FRMPD2: variants seen among roughly 807,000 people sequenced by gnomAD.
FRMPD2 encodes FERM and PDZ domain containing 2, also known as FERM and PDZ domain-containing protein 2.
FRMPD2 carries 96 observed loss-of-function variants against 140.1 expected under a neutral mutation model. The ratio of observed to expected loss-of-function variants is 0.69; its 90% CI spans 0.58 to 0.81. The LOEUF is 0.81. FRMPD2 is among the 40% of genes least tolerant of loss of function. The probability of loss-of-function intolerance (pLI) is 0.00; values close to 1 mark genes in which losing one functional copy is unlikely to be tolerated. For synonymous variants in FRMPD2, 449 were observed against 547.6 expected, an observed-to-expected ratio of 0.82 and a Z score of 2.52; for missense variants, 1,240 against 1,447.4, an observed-to-expected ratio of 0.86 and a Z score of 2.32.
chr10:48,197,263 C>T (rs1028856855), intron 15 of FRMPD2, among the ~76,000 whole-genome samples: 4 of 152,196 alleles, frequency 2.6e-5, no homozygotes, highest in Non-Finnish European at 5.9e-5. Context: ...TGAACAAAAC[C>T]CCCGTGAGCA....
chr10:48,182,296 C>A (rs1379317570), intron 20 of FRMPD2, among the ~76,000 whole-genome samples: 1 of 152,182 alleles, frequency 6.6e-6, no homozygotes, highest in Non-Finnish European at 1.5e-5. Flanking sequence ...TCTTCCACAT[C>A]CTCCATGAGA....
rs1347473102 is a variant in FRMPD2 at position 48,192,788 on chromosome 10, A to T, written c.2061T>A (p.Phe687Leu). ...QRLSCSENEL[F>L]VSRLQGAAGG... ...CTGCAGCACCCTGAAGCCTGGATAC[A>T]AACAACTCGTTTTCTGAGCATGACA... Residue 687 changes from phenylalanine to leucine, a missense_variant, in exon 16 of 29, where the codon TTT becomes TTA. By Grantham distance (22) the Phe-to-Leu change is conservative (BLOSUM62 0). Coordinates refer to ENST00000374201, the MANE Select transcript of FRMPD2 (RefSeq NM_001018071.4). The T allele has an allele frequency of 1.2e-6, 2 of 1,613,986 alleles. No individual in the cohort carries two copies. Among genetic ancestry groups the T allele is most frequent in the Admixed American group, 3.3e-5 (2 of 59,996 alleles).
intron 10 of FRMPD2, among the ~76,000 whole-genome samples, chr10:48,230,343 G>T (rs1287582701): frequency 6.6e-6 from 1 of 152,090 alleles, no homozygotes; most frequent in Non-Finnish European, 1.5e-5. Flanking sequence ...CTTAAAATTG[G>T]TTATATTACT....
Position 48,222,364 on chromosome 10 carries a change from C to T in FRMPD2, c.1404G>A (p.Leu468=), listed in dbSNP as rs1223826316. ...ERLYCNEEIL[L]QLGVLALQAE... ...CCTGCAAGGCAAGGACCCCCAGCTG[C>T]AGCAGTATCTCTTCATTGCAGTACA... Residue 468 remains leucine (L), a synonymous_variant, in exon 12 of 29, where the codon CTG becomes CTA. Coordinates refer to ENST00000374201, the MANE Select transcript of FRMPD2 (RefSeq NM_001018071.4). 5.0e-6 allele frequency: 8 copies of T among 1,614,212 alleles called. No individual in the cohort carries two copies. The highest frequency in any genetic ancestry group is 1.7e-4 in the Middle Eastern group (1 of 6,060).
chr10:48,257,374 G>A (rs1277524305), intron 1 of FRMPD2, among the ~76,000 whole-genome samples: 4 of 151,882 alleles, frequency 2.6e-5, no homozygotes, highest in African/African-American at 9.7e-5. Flanking sequence ...CCACCTCCCA[G>A]GTTCAAGCAA....
At chr10:48,170,532 G>A (rs1838212813) in intron 26 of FRMPD2, among the ~76,000 whole-genome samples, 1 of 151,614 alleles carries the variant, frequency 6.6e-6, no homozygotes, top group East Asian at 2.0e-4. Flanking sequence ...TTTTCTTCCA[G>A]GACTCTGTCT....
chr10:48,273,882 C>T (rs1470709098), intron 1 of FRMPD2, among the ~76,000 whole-genome samples: 1 of 147,712 alleles, frequency 6.8e-6, no homozygotes, highest in African/African-American at 2.5e-5. Flanking sequence ...TCAATTGTTG[C>T]TTTAAAAAAA....
intron 3 of FRMPD2, among the ~76,000 whole-genome samples, chr10:48,245,998 A>G (rs1410840099): frequency 6.6e-6 from 1 of 152,184 alleles, no homozygotes; most frequent in South Asian, 2.1e-4. Context: ...GTGACAACTC[A>G]TTAGCTCTCA....
At chr10:48,200,248 G>A (rs1839054535) in intron 15 of FRMPD2, among the ~76,000 whole-genome samples, 1 of 151,978 alleles carries the variant, frequency 6.6e-6, no homozygotes, top group Admixed American at 6.5e-5. Flanking sequence ...CAGGTACTCT[G>A]AGTTCCTTGA....
intron 1 of FRMPD2, among the ~76,000 whole-genome samples, chr10:48,266,814 G>A (rs1408502555): frequency 2.6e-5 from 4 of 152,206 alleles, no homozygotes; most frequent in African/African-American, 9.6e-5. Flanking sequence ...CACGGGGGTG[G>A]TGCCAGGGAA....
chr10:48,212,417 TGACAA>T (rs992275279), intron 12 of FRMPD2, among the ~76,000 whole-genome samples: 1 of 152,076 alleles, frequency 6.6e-6, no homozygotes, highest in Non-Finnish European at 1.5e-5. Context: ...TCATTGCCAT[TGACAA>T]GACAAGCAAG....
In FRMPD2 at chr10:48,201,278, TGCTG is replaced by T; in HGVS notation, c.1900_1903del (p.Gln634MetfsTer28). On this transcript the variant is annotated frameshift_variant, in exon 15 of 29. Coordinates refer to ENST00000374201, the MANE Select transcript of FRMPD2 (RefSeq NM_001018071.4). LOFTEE classifies it high-confidence loss of function. ...AGAGCCCATCTGTGCATTAAACCCA[TGCTG>T]GGCTGAGCAGAGGTCCAGTAAGTAT... 1 of 1,613,856 alleles carries T rather than the reference TGCTG, an allele frequency of 6.2e-7. No homozygotes were observed. Among genetic ancestry groups the T allele is most frequent in the East Asian group, 2.2e-5 (1 of 44,866 alleles).
At chr10:48,239,149 G>T (rs917831902) in intron 7 of FRMPD2, among the ~76,000 whole-genome samples, 2 of 152,176 alleles carry the variant, frequency 1.3e-5, no homozygotes, top group African/African-American at 4.8e-5. Flanking sequence ...CTGGATAGCC[G>T]AGCCGAAGAC....
At chr10:48,167,944 C>A (rs1470601708) in intron 27 of FRMPD2, among the ~76,000 whole-genome samples, 3 of 147,546 alleles carry the variant, frequency 2.0e-5, no homozygotes, top group African/African-American at 7.8e-5. Context: ...ATCAATTATT[C>A]TCTGGGTCTC....
intron 10 of FRMPD2, among the ~76,000 whole-genome samples, chr10:48,227,624 T>C (rs1839753247): frequency 1.3e-5 from 2 of 152,228 alleles, no homozygotes; most frequent in Admixed American, 1.3e-4. Flanking sequence ...ATAAAAGGCT[T>C]ATTGGCTTTG....
At chr10:48,240,630 G>A (rs559124268) in intron 5 of FRMPD2, 138 bp from the exon 6 acceptor site, 2 of 1,226,758 alleles carry the variant, frequency 1.6e-6, no homozygotes, top group Admixed American at 2.1e-5. Context: ...GTGTTCTCTG[G>A]CACCCAGAAT....
intron 9 of FRMPD2, among the ~76,000 whole-genome samples, chr10:48,233,477 G>T (rs111907348): frequency 6.6e-6 from 1 of 152,188 alleles, no homozygotes; most frequent in Non-Finnish European, 1.5e-5. Context: ...CTGGGAGGCA[G>T]GTCTGACCCG....
Position 48,251,632 on chromosome 10 carries a change from A to G in FRMPD2, c.85T>C (p.Ser29Pro), listed in dbSNP as rs574498231. Residue 29 changes from serine to proline, a missense_variant, in exon 2 of 29, where the codon TCT becomes CCT. Ser to Pro is a moderately conservative substitution (Grantham distance 74, BLOSUM62 -1). Coordinates refer to ENST00000374201, the MANE Select transcript of FRMPD2 (RefSeq NM_001018071.4). ...AGGAGGGACCAGATTTCCTCCTCAG[A>G]CAGAGCTTCACCCCTGACCTGTAGG... ...SALQVRGEAL[S>P]EEEIWSLLFL... 1.9e-6 allele frequency: 3 copies of G among 1,614,194 alleles called. No homozygotes were observed. Among genetic ancestry groups the G allele is most frequent in the Non-Finnish European group, 2.5e-6 (3 of 1,180,020 alleles).
chr10:48,240,328 C>T (rs773009209), intron 6 of FRMPD2, 32 bp downstream of exon 6: 2 of 1,601,436 alleles, frequency 1.2e-6, no homozygotes, highest in East Asian at 4.5e-5. Context: ...TACCATCAGC[C>T]CACGCAGGGA....
Sources: allele counts gnomAD v4.1 joint callset (sites outside exome capture counted in the v4.1 genomes callset), GRCh38; gene constraint gnomAD v4.1.1; transcripts MANE v1.5; gene names NCBI Gene and HGNC (gene_info 2026-07-23, HGNC 2026-07-21).